Variants in KSR2 observed in about 807,000 individuals in gnomAD.
KSR2 encodes the protein kinase suppressor of ras 2.
A neutral mutation model predicts 107.8 loss-of-function variants in KSR2; 25 were observed. The observed-to-expected ratio is 0.23, with a 90% CI of 0.17 to 0.32. KSR2 has a LOEUF of 0.32. Ranked by LOEUF, KSR2 falls within the 10% of genes least tolerant of loss-of-function variation. The pLI, the probability that KSR2 is intolerant of heterozygous loss-of-function variation, is 1.00. For missense variants in KSR2, 887 were observed against 1,268.9 expected, an observed-to-expected ratio of 0.70 and a Z score of 4.57; for synonymous variants, 480 against 507.0, an observed-to-expected ratio of 0.95 and a Z score of 0.71.
chr12:117,709,198 C>G (rs1049271857), intron 4 of KSR2, among the ~76,000 whole-genome samples: 4 of 152,160 alleles, frequency 2.6e-5, no homozygotes, highest in African/African-American at 9.7e-5. Flanking sequence ...TCCTCTCACA[C>G]CCATTTTGCT....
At chr12:117,565,636 C>T (rs1878438363) in intron 7 of KSR2, among the ~76,000 whole-genome samples, 1 of 152,096 alleles carries the variant, frequency 6.6e-6, no homozygotes, top group South Asian at 2.1e-4. Context: ...TTTCCCTTTA[C>T]CATGTGAGAT....
intron 5 of KSR2, among the ~76,000 whole-genome samples, chr12:117,600,680 A>G (rs745781104): frequency 2.6e-5 from 4 of 152,242 alleles, no homozygotes; most frequent in Non-Finnish European, 4.4e-5. Context: ...CTTTGTCAAT[A>G]GGACCTTGAT....
intron 1 of KSR2, among the ~76,000 whole-genome samples, chr12:117,871,070 T>C (rs1893635815): frequency 2.0e-5 from 3 of 152,196 alleles, no homozygotes; most frequent in Admixed American, 2.0e-4. Context: ...TTAACAGGGA[T>C]ATGCTTCGAG....
chr12:117,732,541 C>T (rs547509555), intron 4 of KSR2, among the ~76,000 whole-genome samples: 5 of 152,220 alleles, frequency 3.3e-5, no homozygotes, highest in African/African-American at 1.2e-4. Context: ...CCGTCCACCT[C>T]GGCCTTCCAA....
intron 4 of KSR2, among the ~76,000 whole-genome samples, chr12:117,684,457 C>G (rs1352757308): frequency 6.6e-6 from 1 of 152,154 alleles, no homozygotes; most frequent in Non-Finnish European, 1.5e-5. Context: ...CACGGGCTTT[C>G]CATGGAAATG....
At chr12:117,549,320 C>T (rs1035399409) in intron 9 of KSR2, among the ~76,000 whole-genome samples, 1 of 152,082 alleles carries the variant, frequency 6.6e-6, no homozygotes, top group Non-Finnish European at 1.5e-5. Flanking sequence ...TTATATTACA[C>T]GAGGAAAAGA....
At chr12:117,596,959 T>C (rs1325113065) in intron 5 of KSR2, among the ~76,000 whole-genome samples, 2 of 152,216 alleles carry the variant, frequency 1.3e-5, no homozygotes, top group Non-Finnish European at 2.9e-5. Flanking sequence ...GAATCTTTCT[T>C]TTTCTGGAAT....
intron 1 of KSR2, among the ~76,000 whole-genome samples, chr12:117,929,310 T>C (rs1216640831): frequency 1.3e-5 from 2 of 152,206 alleles, no homozygotes; most frequent in Admixed American, 1.3e-4. Flanking sequence ...AATTGAATCA[T>C]GGGGGTGGTT....
At chr12:117,962,813 A>G (rs552155994) in intron 1 of KSR2, among the ~76,000 whole-genome samples, 112 of 152,240 alleles carry the variant, frequency 7.4e-4, no homozygotes, top group African/African-American at 2.6e-3. Context: ...AAAAAAAATC[A>G]AAAGAAAAAT....
intron 3 of KSR2, among the ~76,000 whole-genome samples, chr12:117,826,344 T>G (rs572506661): frequency 6.6e-6 from 1 of 152,074 alleles, no homozygotes; most frequent in Non-Finnish European, 1.5e-5. Context: ...GCAGTCCTGC[T>G]GTGCAGCCTC....
At chr12:117,556,673 C>G (rs697890) in intron 8 of KSR2, among the ~76,000 whole-genome samples, 151,597 of 152,092 alleles carry the variant, frequency 1, 75,552 homozygotes, top group Middle Eastern at 1. Flanking sequence ...CCAGGAATAT[C>G]CACCGATCAA....
At chr12:117,696,318 A>C (rs774594150) in intron 4 of KSR2, among the ~76,000 whole-genome samples, 40 of 152,196 alleles carry the variant, frequency 2.6e-4, no homozygotes, top group Non-Finnish European at 3.8e-4. Flanking sequence ...CCCAAAAGGG[A>C]ATGAAGCACA....
intron 7 of KSR2, among the ~76,000 whole-genome samples, chr12:117,577,592 C>T (rs1378216133): frequency 6.6e-6 from 1 of 152,088 alleles, no homozygotes; most frequent in Non-Finnish European, 1.5e-5. Flanking sequence ...ACTCACAGTT[C>T]CAAGCAGCTA....
chr12:117,689,971 G>C (rs1223744616), intron 4 of KSR2, among the ~76,000 whole-genome samples: 1 of 151,976 alleles, frequency 6.6e-6, no homozygotes, highest in Non-Finnish European at 1.5e-5. Flanking sequence ...AAACAGGAAG[G>C]CAGGAGAGAA....
intron 9 of KSR2, among the ~76,000 whole-genome samples, chr12:117,554,251 C>T (rs1443046550): frequency 6.6e-6 from 1 of 152,094 alleles, no homozygotes; most frequent in East Asian, 1.9e-4. Context: ...AATTTCTAGG[C>T]CACAATTGAA....
chr12:117,549,337 G>A (rs113044078), intron 9 of KSR2, among the ~76,000 whole-genome samples: 132 of 152,198 alleles, frequency 8.7e-4, no homozygotes, highest in African/African-American at 3.0e-3. Flanking sequence ...AAGAAAGTCA[G>A]GCATCTATCC....
chr12:117,968,295 G>T lies in KSR2; in HGVS notation c.-40C>A. ...CCCCCTTCCCCTCCTCCTCCTCCCA[G>T]AGAGAAAAAAGAGGGGGGGGAGTAG... is the stretch of plus-strand genomic sequence containing the variant. On this transcript the variant is annotated 5_prime_UTR_variant, in exon 1 of 20. In the 5' UTR this introduces an upstream ATG that the reference lacks. Coordinates refer to ENST00000339824, the MANE Select transcript of KSR2 (RefSeq NM_173598.6). 1 of 506,982 alleles carries T rather than the reference G, an allele frequency of 2.0e-6. No individual in the cohort carries two copies. 31.4% of individuals were successfully genotyped at this position (506,982 alleles called of 1,614,324 possible).
intron 4 of KSR2, among the ~76,000 whole-genome samples, chr12:117,674,669 C>A (rs1032326908): frequency 1.3e-5 from 2 of 152,192 alleles, no homozygotes; most frequent in Admixed American, 1.3e-4. Context: ...CATGTTCTAG[C>A]ATGGATCACC....
rs115243070 is a variant in KSR2, at chr12:117,860,471, G to A, written c.181-40C>T. ...ACGAGGACAGAGGACACATCTCAGAGGCAGTGACACAAGGAAGAGAGGCGA... is the reference window on the plus strand; with the variant it reads ...ACGAGGACAGAGGACACATCTCAGAAGCAGTGACACAAGGAAGAGAGGCGA... On this transcript the variant is annotated intron_variant, in intron 1 of 19. Coordinates refer to ENST00000339824, the MANE Select transcript of KSR2 (RefSeq NM_173598.6). 1,293 of 1,559,608 alleles carry A rather than the reference G, an allele frequency of 8.3e-4. 14 individuals carry two copies. In the African/African-American group the frequency reaches 0.015, roughly 19 times the overall value.
Sources: allele counts gnomAD v4.1 joint callset (sites outside exome capture counted in the v4.1 genomes callset), GRCh38; gene constraint gnomAD v4.1.1; transcripts MANE v1.5; gene names NCBI Gene and HGNC (gene_info 2026-07-23, HGNC 2026-07-21).